P4HA3: variants seen among roughly 807,000 people sequenced by gnomAD.
The protein encoded by P4HA3 is prolyl 4-hydroxylase subunit alpha 3, also known as prolyl 4-hydroxylase subunit alpha-3.
P4HA3 carries 60 observed loss-of-function variants against 66.7 expected under a neutral mutation model. That is an observed-to-expected ratio of 0.90 (90% CI 0.73 to 1.12). The LOEUF (loss-of-function observed/expected upper bound fraction) is 1.12. Ranked by LOEUF, P4HA3 falls within the 50% of genes most tolerant of loss-of-function variation. The pLI is 0.00. For missense variants in P4HA3, 683 were observed against 685.8 expected (o/e 1.00, Z 0.05); for synonymous variants, 263 against 274.6 (o/e 0.96, Z 0.42).
chr11:74,310,207 A>G (rs1362247893), intron 1 of P4HA3, among the ~76,000 whole-genome samples: 1 of 152,240 alleles, frequency 6.6e-6, no homozygotes. Context: ...CGCAGCACAT[A>G]TTCATACAGA....
intron 10 of P4HA3, among the ~76,000 whole-genome samples, chr11:74,271,419 C>T (rs1040505008): frequency 2.0e-5 from 3 of 152,134 alleles, no homozygotes; most frequent in African/African-American, 7.2e-5. Context: ...AAAAGAAAAT[C>T]GGATTCTGCA....
At chr11:74,253,650 T>C in intron 15 of P4HA3, 1 of 902,394 alleles carries the variant, frequency 1.1e-6, no homozygotes, top group Non-Finnish European at 1.8e-6. Context: ...CCCCGAGATG[T>C]ACCAACCTTT....
chr11:74,288,966 AGATAAT>A, intron 5 of P4HA3, 107 bp downstream of exon 5: 1 of 727,966 alleles, frequency 1.4e-6, no homozygotes, highest in Non-Finnish European at 2.0e-6. Flanking sequence ...AAAAAAAAAA[AGATAAT>A]AAAGATAGAT....
chr11:74,263,723 T>C (rs944000867), downstream of P4HA3, among the ~76,000 whole-genome samples: 18 of 152,166 alleles, frequency 1.2e-4, no homozygotes, highest in Admixed American at 5.9e-4. Context: ...TAGACTTTAA[T>C]GTAAAGAATA....
chr11:74,270,793 C>T (rs1860168857), intron 10 of P4HA3, among the ~76,000 whole-genome samples: 2 of 152,176 alleles, frequency 1.3e-5, no homozygotes, highest in African/African-American at 4.8e-5. Context: ...AAAGTCCCTG[C>T]TCATAACCAT....
chr11:74,291,076 A>G (rs1217814474), intron 4 of P4HA3, among the ~76,000 whole-genome samples: 6 of 152,196 alleles, frequency 3.9e-5, no homozygotes, highest in Non-Finnish European at 5.9e-5. Flanking sequence ...CCTACCCATG[A>G]GCATGGAATG....
chr11:74,281,250 A>G lies in P4HA3; in HGVS notation c.1111-1798T>C, dbSNP rs1169590598. Among the ~76,000 whole-genome samples, 42 of 150,606 alleles carry G rather than the reference A, an allele frequency of 2.8e-4. No homozygotes were observed. The East Asian group carries it at 7.0e-3, about 25-fold the overall frequency. ...CAGGTGCTGGAGAGGATGTGGAGAA[A>G]TAGGAACACTTTTACACTGTTGGTG... On this transcript the variant is annotated intron_variant, in intron 7 of 12. Transcript: ENST00000331597.
rs560649257 is a variant in P4HA3, at chr11:74,286,511, A to G, written c.770-120T>C. Reference sequence around the variant, plus strand: ...CAGGATGGGCAAGTGGATCTCCTGAATAACTCCTCATGTCAACACACAGGA... The same window carrying G: ...CAGGATGGGCAAGTGGATCTCCTGAGTAACTCCTCATGTCAACACACAGGA... On this transcript the variant is annotated intron_variant, in intron 5 of 12. Coordinates refer to ENST00000331597, the MANE Select transcript of P4HA3 (RefSeq NM_182904.5). 208 of 864,906 alleles carry G rather than the reference A, an allele frequency of 2.4e-4. No homozygotes were observed. The African/African-American group carries it at 3.0e-3, about 13-fold the overall frequency. The allele number at this position is 864,906 out of a possible 1,614,324, so 53.6% of individuals were successfully genotyped here. A position where few individuals can be genotyped will look rare whatever the true frequency, so the allele number is the denominator to read the frequency against.
At chr11:74,277,847 C>G (rs1164118716) in intron 8 of P4HA3, among the ~76,000 whole-genome samples, 1 of 152,164 alleles carries the variant, frequency 6.6e-6, no homozygotes, top group Non-Finnish European at 1.5e-5. Context: ...AGTGGGTCTC[C>G]TGGGGAGACG....
intron 10 of P4HA3, among the ~76,000 whole-genome samples, chr11:74,270,832 T>G (rs535080461): frequency 3.5e-4 from 53 of 152,332 alleles, no homozygotes; most frequent in Non-Finnish European, 6.8e-4. Context: ...ATTTAGGTCA[T>G]ATCCAAATGT....
At chr11:74,283,720 G>A (rs1352240185) in intron 7 of P4HA3, among the ~76,000 whole-genome samples, 1 of 152,104 alleles carries the variant, frequency 6.6e-6, no homozygotes, top group Non-Finnish European at 1.5e-5. Flanking sequence ...CACATATCAG[G>A]CCCTTGCACA....
intron 3 of P4HA3, among the ~76,000 whole-genome samples, chr11:74,298,620 C>G (rs1861301751): frequency 6.6e-6 from 1 of 152,162 alleles, no homozygotes; most frequent in African/African-American, 2.4e-5. Flanking sequence ...TAATTTGGGA[C>G]AGAATATCAT....
chr11:74,296,053 C>T (rs1861201801), intron 4 of P4HA3, among the ~76,000 whole-genome samples: 1 of 152,160 alleles, frequency 6.6e-6, no homozygotes, highest in African/African-American at 2.4e-5. Flanking sequence ...CACTAAGGAA[C>T]ATTAAATGAA....
intron 15 of P4HA3, chr11:74,252,266 T>TA (rs1483470118): frequency 3.4e-6 from 1 of 295,746 alleles, no homozygotes; most frequent in Admixed American, 4.2e-5. Flanking sequence ...TTTTTTTTTT[T>TA]AGTAAAGATG....
At chr11:74,290,762 C>T (rs909697381) in intron 4 of P4HA3, among the ~76,000 whole-genome samples, 3 of 152,036 alleles carry the variant, frequency 2.0e-5, no homozygotes, top group East Asian at 1.9e-4. Context: ...TGTAGATATG[C>T]GGCATTATTT....
downstream of P4HA3, among the ~76,000 whole-genome samples, chr11:74,264,088 G>A (rs1859952244): frequency 6.6e-6 from 1 of 152,152 alleles, no homozygotes; most frequent in Admixed American, 6.5e-5. Flanking sequence ...ACAGAATTAG[G>A]CAAACATAAT....
intron 3 of P4HA3, among the ~76,000 whole-genome samples, chr11:74,299,581 G>A (rs1042445366): frequency 3.8e-4 from 57 of 151,312 alleles, no homozygotes; most frequent in African/African-American, 1.4e-3. Flanking sequence ...CAGCAATATG[G>A]TAGACTGAAA....
intron 10 of P4HA3, among the ~76,000 whole-genome samples, chr11:74,272,894 A>C (rs1860255520): frequency 6.6e-6 from 1 of 152,204 alleles, no homozygotes. Flanking sequence ...AACCCACATG[A>C]TCTGAAGGGA....
intron 5 of P4HA3, 101 bp from the exon 6 acceptor site, chr11:74,286,492 G>A (rs1860807231): frequency 6.2e-6 from 7 of 1,124,306 alleles, no homozygotes; most frequent in Non-Finnish European, 8.5e-6. Context: ...TGCACAGGAT[G>A]GGCAAGTGGA....
Sources: gnomAD v4.1 joint callset for allele counts (sites outside exome capture counted in the v4.1 genomes callset) on GRCh38, gnomAD v4.1.1 for gene constraint, MANE v1.5 for transcripts, NCBI Gene and HGNC (gene_info 2026-07-23, HGNC 2026-07-21) for gene names.